The following LZTFL1 variants were observed in gnomAD, a reference collection of about 807,000 sequenced individuals.
LZTFL1 encodes leucine zipper transcription factor like 1.
A neutral mutation model predicts 45.9 loss-of-function variants in LZTFL1; 25 were observed. The observed-to-expected ratio is 0.54, with a 90% confidence interval of 0.40 to 0.76. LZTFL1 has a LOEUF of 0.76. Among genes scored for constraint, LZTFL1 ranks in the 30% least tolerant of loss-of-function variants. LZTFL1 has a pLI of 0.00. For synonymous variants in LZTFL1, 93 were observed against 117.4 expected (o/e 0.79, Z 1.35); for missense variants, 277 against 331.1 (o/e 0.84, Z 1.27).
At chr3:45,835,547 C>T in intron 3 of LZTFL1, 43 bp downstream of exon 3, 1 of 1,554,580 alleles carries the variant, frequency 6.4e-7, no homozygotes, top group Non-Finnish European at 8.9e-7. Context: ...TAAGATTATG[C>T]TTGGGCCATT....
chr3:45,902,123 T>G, intron 2 of LZTFL1: 1 of 478,518 alleles, frequency 2.1e-6, no homozygotes, highest in Non-Finnish European at 3.8e-6. Context: ...ATGCCCGCAA[T>G]TCTCAAAGGA....
At chr3:45,895,230 G>A (rs1702315691) in intron 2 of LZTFL1, 3 of 518,122 alleles carry the variant, frequency 5.8e-6, no homozygotes, top group Non-Finnish European at 1.0e-5. Context: ...TTTAACTAGG[G>A]TGTGCTTAGT....
chr3:45,835,879 A>G, intron 2 of LZTFL1, 95 bp from the exon 3 acceptor site: 2 of 749,472 alleles, frequency 2.7e-6, no homozygotes, highest in South Asian at 4.5e-5. Flanking sequence ...ATGTAATCTA[A>G]GAAATTCAAA....
intron 1 of LZTFL1, 142 bp from the exon 2 acceptor site, chr3:45,838,193 C>T: frequency 1.1e-6 from 1 of 874,122 alleles, no homozygotes; most frequent in Non-Finnish European, 1.7e-6. Context: ...GGCTGCATGG[C>T]TGCCCACCTA....
intron 4 of LZTFL1, among the ~76,000 whole-genome samples, chr3:45,853,495 T>C (rs1312060834): frequency 6.6e-6 from 1 of 152,212 alleles, no homozygotes; most frequent in Non-Finnish European, 1.5e-5. Flanking sequence ...ATAAGTGTCA[T>C]GGGGCTACAA....
intron 2 of LZTFL1, among the ~76,000 whole-genome samples, chr3:45,879,599 TG>T (rs1186891865): frequency 5.9e-5 from 9 of 152,334 alleles, no homozygotes; most frequent in African/African-American, 2.2e-4. Flanking sequence ...GTCATACATT[TG>T]TCCAAACCCA....
rs1181641590 is a variant in LZTFL1 at position 45,826,308 on chromosome 3, T to C, written c.*6A>G. The C allele has an allele frequency of 6.2e-7, 1 of 1,612,436 alleles. No individual in the cohort carries two copies. Among genetic ancestry groups the C allele is most frequent in the East Asian group, 2.2e-5 (1 of 44,844 alleles). On this transcript the variant is annotated 3_prime_UTR_variant, in exon 10 of 10. Transcript: ENST00000296135. Reference sequence around the variant, plus strand: ...ATGTGGTAGCTTCCAGAGGAAATCTTCAGTTTTAATCTTCAGGTTCATATC... The same window carrying C: ...ATGTGGTAGCTTCCAGAGGAAATCTCCAGTTTTAATCTTCAGGTTCATATC...
At chr3:45,845,727 C>T (rs1701208080), upstream of LZTFL1, among the ~76,000 whole-genome samples, 1 of 152,084 alleles carries the variant, frequency 6.6e-6, no homozygotes, top group Non-Finnish European at 1.5e-5. Flanking sequence ...GGGTGTTCAC[C>T]AATTGCATTT....
chr3:45,828,664 A>C (rs760194392), intron 7 of LZTFL1, 49 bp from the exon 8 acceptor site: 1 of 1,438,036 alleles, frequency 7.0e-7, no homozygotes, highest in South Asian at 1.2e-5. Flanking sequence ...TATTCTAAAA[A>C]TAACTGTTTT....
intron 2 of LZTFL1, among the ~76,000 whole-genome samples, chr3:45,905,044 C>T (rs1269085566): frequency 3.3e-5 from 5 of 152,090 alleles, no homozygotes; most frequent in Non-Finnish European, 7.4e-5. Flanking sequence ...AGGGGCTCCC[C>T]GTGACTTTGA....
At chr3:45,851,135 C>T (rs762025051) in intron 4 of LZTFL1, among the ~76,000 whole-genome samples, 1 of 152,130 alleles carries the variant, frequency 6.6e-6, no homozygotes, top group Non-Finnish European at 1.5e-5. Flanking sequence ...GGAAATGCTT[C>T]TCGCTAATCA....
Position 45,901,710 on chromosome 3 carries a change from T to C in LZTFL1, c.-215+11410A>G, listed in dbSNP as rs1355980339. The C allele has an allele frequency of 2.5e-6, 4 of 1,614,060 alleles. No individual in the cohort carries two copies. The highest frequency in any genetic ancestry group is 1.7e-5 in the Admixed American group (1 of 60,008). On this transcript the variant is annotated intron_variant, in intron 2 of 4. Coordinates refer to the LZTFL1 transcript ENST00000472635. This position sits in a 1 kb window ranked among gnomAD's most constrained non-coding sequence, Gnocchi z 4.3. ...CCAGGTCACCCAGACCATCGCCTTCTTCCACAGTTGCCTGAACCCTGTTCT... is the reference window on the plus strand; with the variant it reads ...CCAGGTCACCCAGACCATCGCCTTCCTCCACAGTTGCCTGAACCCTGTTCT...
chr3:45,843,998 T>C (rs1315519811), upstream of LZTFL1, among the ~76,000 whole-genome samples: 1 of 152,176 alleles, frequency 6.6e-6, no homozygotes, highest in Non-Finnish European at 1.5e-5. Flanking sequence ...TGTGAGTGTA[T>C]GTGTGTGTGT....
upstream of LZTFL1, among the ~76,000 whole-genome samples, chr3:45,842,593 G>A (rs899457575): frequency 1.3e-5 from 2 of 151,966 alleles, no homozygotes; most frequent in South Asian, 4.2e-4. Flanking sequence ...CCATGACTCC[G>A]CCCATTATTA....
At chr3:45,875,290 A>AAAATC (rs1701732295) in intron 2 of LZTFL1, among the ~76,000 whole-genome samples, 1 of 152,230 alleles carries the variant, frequency 6.6e-6, no homozygotes. Context: ...TGACTATAGT[A>AAAATC]AGTGCAAAAT....
Position 45,901,628 on chromosome 3 carries a change from C to T in LZTFL1, c.-215+11492G>A, listed in dbSNP as rs201673015. 27 of 1,614,106 alleles carry T rather than the reference C, an allele frequency of 1.7e-5. 1 individual carries two copies. The highest frequency in any genetic ancestry group is 5.0e-5 in the Admixed American group (3 of 60,012). ...GCATTTTGTTGGTGCAGACCATTGA[C>T]GCCTATGCCATGTTCATCTCCAACT... is the stretch of plus-strand genomic sequence containing the variant. On this transcript the variant is annotated intron_variant, in intron 2 of 4. Transcript: ENST00000472635. The surrounding 1 kb of genome is among the most constrained non-coding windows in gnomAD (Gnocchi z 4.3).
At chr3:45,872,214 C>G (rs976625206) in intron 2 of LZTFL1, among the ~76,000 whole-genome samples, 1 of 152,092 alleles carries the variant, frequency 6.6e-6, no homozygotes, top group Non-Finnish European at 1.5e-5. Flanking sequence ...GGAGCTCCAT[C>G]CTCTCTGGAG....
chr3:45,900,940 T>C lies in LZTFL1; in HGVS notation c.-215+12180A>G, dbSNP rs1157757404. On this transcript the variant is annotated intron_variant, in intron 2 of 4. Coordinates refer to the LZTFL1 transcript ENST00000472635. The surrounding 1 kb of genome is among the most constrained non-coding windows in gnomAD (Gnocchi z 4.7). ...GTCAGGCAGTTTGCGAGCCATTTCC[T>C]CCCACCCTTGTACTGGCTCGTGTTC... is the stretch of plus-strand genomic sequence containing the variant. 2 of 1,614,098 alleles carry C rather than the reference T, an allele frequency of 1.2e-6. No homozygotes were observed. Among genetic ancestry groups the C allele is most frequent in the Non-Finnish European group, 8.5e-7 (1 of 1,180,044 alleles).
intron 2 of LZTFL1, 102 bp from the exon 3 acceptor site, chr3:45,835,886 C>T (rs1022781083): frequency 2.8e-6 from 2 of 713,604 alleles, no homozygotes; most frequent in Non-Finnish European, 2.2e-6. Flanking sequence ...CTAAGAAATT[C>T]AAAGATTACA....
Sources: allele counts gnomAD v4.1 joint callset (sites outside exome capture counted in the v4.1 genomes callset), GRCh38; gene constraint gnomAD v4.1.1; non-coding constraint Gnocchi (gnomAD v3.1); transcripts MANE v1.5; gene names NCBI Gene and HGNC (gene_info 2026-07-23, HGNC 2026-07-21).